NEK6: variants seen among roughly 807,000 people sequenced by gnomAD.
The protein encoded by NEK6 is NIMA related kinase 6.
NEK6 carries 27 observed loss-of-function variants against 43.5 expected under a neutral mutation model. The observed-to-expected ratio is 0.62, with a 90% CI of 0.46 to 0.86. The LOEUF (loss-of-function observed/expected upper bound fraction) is 0.86. Ranked by LOEUF, NEK6 falls within the 40% of genes least tolerant of loss-of-function variation. NEK6 has a pLI of 0.00. For synonymous variants in NEK6, 167 were observed against 164.1 expected, an observed-to-expected ratio of 1.02 and a Z score of -0.14; for missense variants, 318 against 414.4, an observed-to-expected ratio of 0.77 and a Z score of 2.02.
intron 1 of NEK6, chr9:124,262,846 G>C (rs866024758): frequency 3.3e-5 from 5 of 152,260 alleles, no homozygotes; most frequent in African/African-American, 9.7e-5. Context: ...ACAGGGGAAG[G>C]GGGAGGGAAG....
chr9:124,259,552 A>G (rs1335480816), intron 1 of NEK6: 1 of 152,156 alleles, frequency 6.6e-6, no homozygotes, highest in Non-Finnish European at 1.5e-5. Flanking sequence ...AAAATGAAAA[A>G]AAGAAAACAC....
At chr9:124,285,722 G>C (rs997633744) in intron 1 of NEK6, among the ~76,000 whole-genome samples, 1 of 152,112 alleles carries the variant, frequency 6.6e-6, no homozygotes, top group African/African-American at 2.4e-5. Context: ...AGCCAGGGCC[G>C]GCCGCAGGCA....
rs1830259172 is a variant in NEK6, at chr9:124,351,236, C to T, written c.*289C>T. The T allele has an allele frequency of 6.1e-6, 2 of 330,440 alleles. No individual in the cohort carries two copies. Among genetic ancestry groups the T allele is most frequent in the Admixed American group, 9.1e-5 (2 of 21,874 alleles). 20.5% of individuals were successfully genotyped at this position (330,440 alleles called of 1,614,324 possible). On this transcript the variant is annotated 3_prime_UTR_variant, in exon 10 of 10. Coordinates refer to ENST00000320246, the MANE Select transcript of NEK6 (RefSeq NM_014397.6). ...TGGTTCAGCGAGCCACGGCAGCCCC[C>T]TGTATCTGGATTGTAATGTGAATCT...
At chr9:124,298,114 C>A (rs80311877) in intron 1 of NEK6, among the ~76,000 whole-genome samples, 40 of 152,322 alleles carry the variant, frequency 2.6e-4, no homozygotes, top group African/African-American at 9.1e-4. Context: ...CTCTGAGCCT[C>A]GGTTTCCCCA....
chr9:124,336,938 G>A (rs1223693767), intron 7 of NEK6, among the ~76,000 whole-genome samples: 2 of 151,370 alleles, frequency 1.3e-5, no homozygotes, highest in Non-Finnish European at 2.9e-5. Flanking sequence ...CAACCCGGAA[G>A]GCAGAGGTGA....
intron 7 of NEK6, among the ~76,000 whole-genome samples, chr9:124,329,584 G>A (rs1019454522): frequency 2.6e-5 from 4 of 152,200 alleles, no homozygotes; most frequent in African/African-American, 9.6e-5. Flanking sequence ...GCCCTCCTGG[G>A]GCCTGTCCCC....
rs1245047219 is a variant in NEK6 at position 124,351,962 on chromosome 9, A to G, written c.*1015A>G. The G allele has an allele frequency of 6.5e-6, 1 of 152,686 alleles. No individual in the cohort carries two copies. Among genetic ancestry groups the G allele is most frequent in the Admixed American group, 6.5e-5 (1 of 15,290 alleles). The allele number at this position is 152,686 out of a possible 1,614,324, so 9.5% of individuals were successfully genotyped here. ...ACCCTTCACAAACTGAAGTCCATGG[A>G]CCACGGAAGTCGAGAATTAATGTAC... On this transcript the variant is annotated 3_prime_UTR_variant, in exon 10 of 10. Coordinates refer to ENST00000320246, the MANE Select transcript of NEK6 (RefSeq NM_014397.6).
At chr9:124,339,446 G>C (rs1301969070) in intron 7 of NEK6, 125 bp from the exon 8 acceptor site, 1 of 722,016 alleles carries the variant, frequency 1.4e-6, no homozygotes, top group Non-Finnish European at 2.5e-6. Flanking sequence ...GAGGGAGAAG[G>C]GCTGCTCAGA....
chr9:124,326,401 C>T lies in NEK6; in HGVS notation c.477C>T (p.Ala159=), dbSNP rs1202237202. 2.4e-5 allele frequency: 38 copies of T among 1,610,778 alleles called. No homozygotes were observed. The highest frequency in any genetic ancestry group is 3.1e-5 in the Non-Finnish European group (36 of 1,179,950). ...VWKYFVQLCS[A]VEHMHSRRVM... ...AGTACTTTGTGCAGCTGTGCAGCGC[C>T]GTGGAGCACATGCATTCACGCCGGG... Residue 159 remains alanine, a synonymous_variant, in exon 6 of 10, where the codon GCC becomes GCT. Transcript: ENST00000320246. This position sits in a 1 kb window ranked among gnomAD's most constrained non-coding sequence, Gnocchi z 4.5.
In NEK6 at chr9:124,351,099, G is replaced by T. The variant is rs749190886; in HGVS notation, c.*152G>T. On this transcript the variant is annotated 3_prime_UTR_variant, in exon 10 of 10. Coordinates refer to ENST00000320246, the MANE Select transcript of NEK6 (RefSeq NM_014397.6). Reference sequence around the variant, plus strand: ...GCTGCCCAGCCTTACAGCAGATGCTGAAGGCAGAGCAGCTGAGGGAGGGGC... The same window carrying T: ...GCTGCCCAGCCTTACAGCAGATGCTTAAGGCAGAGCAGCTGAGGGAGGGGC... 3 of 594,000 alleles carry T rather than the reference G, an allele frequency of 5.1e-6. No homozygotes were observed. The highest frequency in any genetic ancestry group is 3.7e-5 in the African/African-American group (2 of 53,692). The allele number at this position is 594,000 out of a possible 1,614,324, so 36.8% of individuals were successfully genotyped here.
At chr9:124,350,247 C>T (rs1002016163) in intron 9 of NEK6, among the ~76,000 whole-genome samples, 2 of 152,222 alleles carry the variant, frequency 1.3e-5, no homozygotes, top group Non-Finnish European at 2.9e-5. Flanking sequence ...ATTTTAATTA[C>T]CATTAAAATA....
intron 1 of NEK6, chr9:124,259,293 A>G (rs1830930519): frequency 6.6e-6 from 1 of 152,094 alleles, no homozygotes; most frequent in Non-Finnish European, 1.5e-5. Flanking sequence ...TTTGGGGGAA[A>G]ATGTCGCCTT....
chr9:124,335,026 G>A (rs1002536802), intron 7 of NEK6, among the ~76,000 whole-genome samples: 2 of 152,206 alleles, frequency 1.3e-5, no homozygotes, highest in Non-Finnish European at 2.9e-5. Context: ...GCACAGTGGT[G>A]TCTCTCACTG....
chr9:124,351,351 A>C lies in NEK6; in HGVS notation c.*404A>C. The stretch of plus-strand genomic sequence containing the variant: ...TGATTTGTGTAGTGAGCCTTTGAAA[A>C]TGGTTAGTACCGGGTTCAGTTTAGT... On this transcript the variant is annotated 3_prime_UTR_variant, in exon 10 of 10. Coordinates refer to ENST00000320246, the MANE Select transcript of NEK6 (RefSeq NM_014397.6). 1 of 181,428 alleles carries C rather than the reference A, an allele frequency of 5.5e-6. No homozygotes were observed. Among genetic ancestry groups the C allele is most frequent in the Non-Finnish European group, 1.2e-5 (1 of 86,384 alleles). 11.2% of individuals were successfully genotyped at this position (181,428 alleles called of 1,614,324 possible). A position where few individuals can be genotyped will look rare whatever the true frequency, so the allele number is the denominator to read the frequency against.
At chr9:124,302,084 C>T in intron 2 of NEK6, 30 bp downstream of exon 2, 2 of 1,493,938 alleles carry the variant, frequency 1.3e-6, no homozygotes, top group Non-Finnish European at 1.8e-6. Context: ...CTGCAGCACA[C>T]TGAAGAGTTC....
intron 1 of NEK6, among the ~76,000 whole-genome samples, chr9:124,284,491 G>A (rs1038059465): frequency 4.6e-5 from 7 of 152,376 alleles, no homozygotes; most frequent in South Asian, 2.1e-4. Context: ...CCACGCACAC[G>A]TTTGTTTAAT....
chr9:124,292,845 C>G, intron 1 of NEK6: 1 of 1,439,012 alleles, frequency 6.9e-7, no homozygotes, highest in South Asian at 1.5e-5. Context: ...TTTCCATGTT[C>G]AAGGAGAAGA....
intron 2 of NEK6, among the ~76,000 whole-genome samples, chr9:124,309,221 C>T (rs1020677239): frequency 1.3e-5 from 2 of 152,226 alleles, no homozygotes; most frequent in African/African-American, 2.4e-5. Flanking sequence ...AGCTGCCCCA[C>T]CAGAGGAGCT....
chr9:124,268,216 G>A (rs912041304), intron 1 of NEK6, among the ~76,000 whole-genome samples: 5 of 152,184 alleles, frequency 3.3e-5, no homozygotes, highest in Non-Finnish European at 7.3e-5. Context: ...CAGGAGGAGG[G>A]TCTTACACAG....
Sources: gnomAD v4.1 joint callset for allele counts (sites outside exome capture counted in the v4.1 genomes callset) on GRCh38, gnomAD v4.1.1 for gene constraint, Gnocchi (gnomAD v3.1) non-coding constraint, MANE v1.5 for transcripts, NCBI Gene and HGNC (gene_info 2026-07-23, HGNC 2026-07-21) for gene names.